Variants in CENPP observed in about 807,000 individuals in gnomAD.
The protein encoded by CENPP is centromere protein P.
CENPP carries 24 observed loss-of-function variants against 35.6 expected under a neutral mutation model. The observed-to-expected ratio is 0.67, with a 90% CI of 0.49 to 0.95. The LOEUF (loss-of-function observed/expected upper bound fraction) is 0.95. CENPP is among the 40% of genes least tolerant of loss of function. CENPP has a pLI of 0.00. For missense variants in CENPP, 332 were observed against 345.3 expected (o/e 0.96, Z 0.31); for synonymous variants, 120 against 125.5 (o/e 0.96, Z 0.29).
intron 5 of CENPP, chr9:92,510,112 A>G (rs1847246657): frequency 5.4e-6 from 8 of 1,484,310 alleles, no homozygotes; most frequent in South Asian, 1.4e-5. Context: ...GGTCGTGACT[A>G]AAAGTCTCAC....
chr9:92,372,901 T>C (rs1052092252), intron 4 of CENPP, among the ~76,000 whole-genome samples: 6 of 152,150 alleles, frequency 3.9e-5, no homozygotes, highest in Non-Finnish European at 8.8e-5. Context: ...TTAGACAGTC[T>C]GATTGTAATG....
rs2130960309 is a variant in CENPP at position 92,417,252 on chromosome 9, T to C, written c.564+37393T>C. 1.9e-6 allele frequency: 3 copies of C among 1,614,102 alleles called. No individual in the cohort carries two copies. In the East Asian group the frequency reaches 6.7e-5, roughly 36 times the overall value. On this transcript the variant is annotated intron_variant, in intron 5 of 7. Transcript: ENST00000375587. ...AATGAATTTGCAGTCACAGCCTCAA[T>C]TTCATTGAACTGAAGGTAGAGTTGC...
At chr9:92,481,888 A>G (rs571990398) in intron 5 of CENPP, among the ~76,000 whole-genome samples, 1 of 152,240 alleles carries the variant, frequency 6.6e-6, no homozygotes, top group East Asian at 1.9e-4. Context: ...ATTGAAAAAT[A>G]TATTTACTGT....
chr9:92,455,261 G>A (rs1429480442), intron 5 of CENPP, among the ~76,000 whole-genome samples: 1 of 152,122 alleles, frequency 6.6e-6, no homozygotes, highest in African/African-American at 2.4e-5. Context: ...ACAGTGGTAT[G>A]CACCTGTAGT....
intron 5 of CENPP, among the ~76,000 whole-genome samples, chr9:92,393,786 C>CT (rs929610840): frequency 1.4e-3 from 207 of 148,402 alleles, no homozygotes; most frequent in African/African-American, 3.6e-3. Flanking sequence ...AAGTGTAGAG[C>CT]TTTTTTTTTT....
At chr9:92,598,020 A>G (rs1850822629) in intron 5 of CENPP, among the ~76,000 whole-genome samples, 1 of 152,236 alleles carries the variant, frequency 6.6e-6, no homozygotes, top group African/African-American at 2.4e-5. Flanking sequence ...ATTCATTTTT[A>G]GGATTCCCAT....
chr9:92,551,335 G>A (rs946324648), intron 5 of CENPP, among the ~76,000 whole-genome samples: 1 of 151,958 alleles, frequency 6.6e-6, no homozygotes, highest in African/African-American at 2.4e-5. Context: ...CCAAAATGAC[G>A]TCTGATGCTT....
At chr9:92,490,028 G>A (rs1250728856) in intron 5 of CENPP, among the ~76,000 whole-genome samples, 11 of 152,298 alleles carry the variant, frequency 7.2e-5, no homozygotes, top group Admixed American at 7.2e-4. Context: ...ACACTCAGAG[G>A]CCTGGAAGCC....
At chr9:92,425,810 A>G (rs1038656754) in intron 5 of CENPP, among the ~76,000 whole-genome samples, 1 of 152,176 alleles carries the variant, frequency 6.6e-6, no homozygotes, top group African/African-American at 2.4e-5. Context: ...TCTTTTCCAT[A>G]TGTTTTCTGT....
In CENPP at chr9:92,619,515, A is replaced by G; in HGVS notation, c.*6366A>G. On this transcript the variant is annotated 3_prime_UTR_variant, in exon 8 of 8. Coordinates refer to ENST00000375587, the MANE Select transcript of CENPP (RefSeq NM_001012267.3). ...CATCCTGCAGACAGGGAGACAGTGC[A>G]ATCATGATGGAGCAGTCCTTGGCAG... The G allele has an allele frequency of 6.3e-7, 1 of 1,593,540 alleles. No individual in the cohort carries two copies. Among genetic ancestry groups the G allele is most frequent in the Non-Finnish European group, 8.5e-7 (1 of 1,170,494 alleles).
At chr9:92,493,648 C>CA (rs1185102599) in intron 5 of CENPP, 1 of 153,038 alleles carries the variant, frequency 6.5e-6, no homozygotes, top group Non-Finnish European at 1.5e-5. Context: ...TTTTTTAGTA[C>CA]ATTATATTGT....
intron 5 of CENPP, among the ~76,000 whole-genome samples, chr9:92,484,133 T>A (rs577581885): frequency 7.2e-5 from 11 of 152,188 alleles, no homozygotes; most frequent in Non-Finnish European, 1.5e-4. Flanking sequence ...ATTCAGTTTG[T>A]CCTGCACAAT....
intron 5 of CENPP, among the ~76,000 whole-genome samples, chr9:92,533,566 T>C (rs1190353253): frequency 6.6e-6 from 1 of 151,666 alleles, no homozygotes; most frequent in Non-Finnish European, 1.5e-5. Flanking sequence ...ATTGGCCCTG[T>C]TGTTTTTCTC....
intron 5 of CENPP, among the ~76,000 whole-genome samples, chr9:92,571,235 C>G (rs978592467): frequency 6.6e-6 from 1 of 152,180 alleles, no homozygotes; most frequent in Non-Finnish European, 1.5e-5. Flanking sequence ...AAATTTCGCT[C>G]TACACACTGC....
chr9:92,333,173 G>A (rs1352167862), intron 2 of CENPP, among the ~76,000 whole-genome samples: 1 of 152,198 alleles, frequency 6.6e-6, no homozygotes, highest in African/African-American at 2.4e-5. Flanking sequence ...TGTGCAACTG[G>A]ATGTCAAGAA....
chr9:92,532,042 T>TTTTTTTTTA (rs1563990376), intron 5 of CENPP, among the ~76,000 whole-genome samples: 1 of 144,554 alleles, frequency 6.9e-6, no homozygotes, highest in Non-Finnish European at 1.5e-5. Context: ...TTATTTTTTT[T>TTTTTTTTTA]TTGAGATGAG....
chr9:92,385,793 G>GA (rs752333372), intron 5 of CENPP: 126 of 1,606,074 alleles, frequency 7.8e-5, no homozygotes, highest in African/African-American at 7.7e-4. Flanking sequence ...TTGTTGAACT[G>GA]AAAAAAAACG....
chr9:92,605,241 G>A (rs1851043470), intron 5 of CENPP, among the ~76,000 whole-genome samples: 1 of 152,170 alleles, frequency 6.6e-6, no homozygotes, highest in South Asian at 2.1e-4. Flanking sequence ...CACCTGCCTT[G>A]GCCGCCCAAA....
At chr9:92,486,853 C>A (rs1846070846) in intron 5 of CENPP, among the ~76,000 whole-genome samples, 1 of 150,792 alleles carries the variant, frequency 6.6e-6, no homozygotes, top group Non-Finnish European at 1.5e-5. Flanking sequence ...ACAATCTCAG[C>A]TCACTGCAAC....
Sources: gnomAD v4.1 joint callset for allele counts (sites outside exome capture counted in the v4.1 genomes callset) on GRCh38, gnomAD v4.1.1 for gene constraint, MANE v1.5 for transcripts, NCBI Gene and HGNC (gene_info 2026-07-23, HGNC 2026-07-21) for gene names.